The following RAB37 variants were observed in gnomAD, a reference collection of about 807,000 sequenced individuals.
RAB37 encodes ras-related protein Rab-37.
A neutral mutation model predicts 33.1 loss-of-function variants in RAB37; 29 were observed. The observed-to-expected ratio is 0.88, with a 90% confidence interval of 0.65 to 1.20. The LOEUF is 1.20. RAB37 is among the 50% of genes most tolerant of loss of function. The pLI, the probability that RAB37 is intolerant of heterozygous loss-of-function variation, is 0.00. For missense variants in RAB37, 299 were observed against 301.1 expected (o/e 0.99, Z 0.05); for synonymous variants, 128 against 119.5 (o/e 1.07, Z -0.47).
At chr17:74,731,467 G>A (rs1045526388) in intron 2 of RAB37, among the ~76,000 whole-genome samples, 2 of 152,224 alleles carry the variant, frequency 1.3e-5, no homozygotes, top group African/African-American at 4.8e-5. Context: ...CCTTCTGGAA[G>A]TGGGACCTGC....
rs2034693267 is a variant in RAB37, at chr17:74,744,262, G to A, written c.367-46G>A. ...TCAAACGGAGCAGAAGAAGAAAGGG[G>A]CAGCAGGAGGAAGAGAATGCCAGTC... On this transcript the variant is annotated intron_variant, in intron 5 of 8. Transcript: ENST00000392613. The surrounding 1 kb of genome is among the most constrained non-coding windows in gnomAD (Gnocchi z 4.2). 1.3e-6 allele frequency: 2 copies of A among 1,568,562 alleles called. No individual in the cohort carries two copies. The highest frequency in any genetic ancestry group is 1.7e-6 in the Non-Finnish European group (2 of 1,143,706).
chr17:74,735,029 G>GAA (rs1555594278), upstream of RAB37, among the ~76,000 whole-genome samples: 3 of 114,040 alleles, frequency 2.6e-5, no homozygotes, highest in Admixed American at 9.7e-5. Flanking sequence ...AAGAAAGAAA[G>GAA]AAAGAAAGAA....
chr17:74,710,584 C>T (rs978402908), intron 1 of RAB37, among the ~76,000 whole-genome samples: 23 of 151,932 alleles, frequency 1.5e-4, no homozygotes, highest in African/African-American at 5.3e-4. Context: ...TGAGGCTGGG[C>T]GCGGTGGCTC....
At chr17:74,686,304 G>T (rs1182472817) in intron 1 of RAB37, among the ~76,000 whole-genome samples, 1 of 152,062 alleles carries the variant, frequency 6.6e-6, no homozygotes, top group Non-Finnish European at 1.5e-5. Flanking sequence ...TGTTGGCCAG[G>T]CTGGTGTCAA....
upstream of RAB37, among the ~76,000 whole-genome samples, chr17:74,733,019 T>C (rs2034412694): frequency 6.6e-6 from 1 of 151,674 alleles, no homozygotes; most frequent in Non-Finnish European, 1.5e-5. Context: ...ATAAGAGGTG[T>C]TGGGGGTCAT....
chr17:74,734,924 G>C (rs980492828), upstream of RAB37, among the ~76,000 whole-genome samples: 1 of 114,234 alleles, frequency 8.8e-6, no homozygotes, highest in African/African-American at 4.2e-5. Context: ...GAAGGAAGGA[G>C]AGAAAGAAAG....
At chr17:74,688,551 TC>T (rs2032098526) in intron 1 of RAB37, among the ~76,000 whole-genome samples, 1 of 54,234 alleles carries the variant, frequency 1.8e-5, no homozygotes. Context: ...AGACTGCACC[TC>T]AAAAAAAAAA....
rs987642652 is a variant in RAB37, at chr17:74,730,000, T to G, written c.183+634T>G. On this transcript the variant is annotated intron_variant, in intron 2 of 7. Transcript: ENST00000340415. This position sits in a 1 kb window ranked among gnomAD's most constrained non-coding sequence, Gnocchi z 4.2. ...TAAAATGGTAAAAGGGCAGCTCGGG[T>G]TAAGGAAGCCCAGTGCCCTCGGCTT... Among the ~76,000 whole-genome samples the G allele has an allele frequency of 6.6e-6, 1 of 152,158 alleles. No individual in the cohort carries two copies. The highest frequency in any genetic ancestry group is 2.4e-5 in the African/African-American group (1 of 41,508).
At chr17:74,694,243 TAAGG>T (rs2032233968) in intron 1 of RAB37, 1 of 152,188 alleles carries the variant, frequency 6.6e-6, no homozygotes, top group African/African-American at 2.4e-5. Context: ...GGGAAGCATC[TAAGG>T]AAGGGCAACT....
rs534485203 is a variant in RAB37, at chr17:74,742,057, C to T, written c.205-197C>T. On this transcript the variant is annotated intron_variant, in intron 2 of 8. Coordinates refer to ENST00000392613, the MANE Select transcript of RAB37 (RefSeq NM_001006638.3). The surrounding 1 kb of genome is among the most constrained non-coding windows in gnomAD (Gnocchi z 4.0). ...GCTGTTGTGAGAAGGCAGTTACAGT[C>T]CTCAGAAGGGACGACTCCACAGTGG... is the stretch of plus-strand genomic sequence containing the variant. Among the ~76,000 whole-genome samples the T allele has an allele frequency of 5.3e-5, 8 of 152,298 alleles. No individual in the cohort carries two copies. The highest frequency in any genetic ancestry group is 2.0e-4 in the Admixed American group (3 of 15,296).
At chr17:74,695,809 C>T (rs2032404742) in intron 1 of RAB37, 2 of 1,614,172 alleles carry the variant, frequency 1.2e-6, no homozygotes, top group Middle Eastern at 1.7e-4. Context: ...TTCCGGCCAG[C>T]TGCAGGGTCA....
chr17:74,679,676 G>A (rs191084832), intron 1 of RAB37, among the ~76,000 whole-genome samples: 2 of 152,114 alleles, frequency 1.3e-5, no homozygotes, highest in East Asian at 3.9e-4. Flanking sequence ...ATATTAATAG[G>A]ACAGGGAAAC....
intron 2 of RAB37, among the ~76,000 whole-genome samples, chr17:74,741,245 A>G (rs2034607940): frequency 6.6e-6 from 1 of 152,150 alleles, no homozygotes; most frequent in Non-Finnish European, 1.5e-5. Context: ...TCAAAGGTCA[A>G]TCAGTCTTTC....
In RAB37 at chr17:74,738,002, T is replaced by G. The variant is rs1220484403; in HGVS notation, c.93+637T>G. On this transcript the variant is annotated intron_variant, in intron 1 of 8. Transcript: ENST00000392613. This position sits in a 1 kb window ranked among gnomAD's most constrained non-coding sequence, Gnocchi z 5.0. ...TGGTTGGTCTTTCGCATCCCGCACT[T>G]GAGAGAGCTCCAGGGCTGCTCTCTG... Among the ~76,000 whole-genome samples, 1 of 152,200 alleles carries G rather than the reference T, an allele frequency of 6.6e-6. No homozygotes were observed. The highest frequency in any genetic ancestry group is 2.4e-5 in the African/African-American group (1 of 41,454).
intron 1 of RAB37, chr17:74,704,825 C>G: frequency 1.2e-6 from 2 of 1,603,728 alleles, no homozygotes; most frequent in Non-Finnish European, 1.7e-6. Context: ...GCCTGGAAAA[C>G]ACAAATTCAT....
intron 1 of RAB37, among the ~76,000 whole-genome samples, chr17:74,717,093 C>A (rs1206599024): frequency 6.6e-6 from 1 of 152,130 alleles, no homozygotes; most frequent in African/African-American, 2.4e-5. Context: ...TGAGATCGCA[C>A]CATTGCATTC....
chr17:74,728,665 T>G (rs914070942), intron 1 of RAB37, among the ~76,000 whole-genome samples: 1 of 151,820 alleles, frequency 6.6e-6, no homozygotes, highest in Non-Finnish European at 1.5e-5. Flanking sequence ...GCTCTGTGTA[T>G]GCATATGTTT....
upstream of RAB37, chr17:74,736,847 C>T (rs2034482791): frequency 3.3e-6 from 5 of 1,526,396 alleles, no homozygotes; most frequent in Non-Finnish European, 4.4e-6. Context: ...GTCCCCAGCT[C>T]CCCGCCTCGC....
chr17:74,723,575 C>CTTTTT (rs35936012), intron 1 of RAB37, among the ~76,000 whole-genome samples: 7 of 133,180 alleles, frequency 5.3e-5, no homozygotes, highest in South Asian at 2.4e-4. Context: ...AATTAACTAA[C>CTTTTT]TTTTTTTTTT....
Sources: gnomAD v4.1 joint callset for allele counts (sites outside exome capture counted in the v4.1 genomes callset) on GRCh38, gnomAD v4.1.1 for gene constraint, Gnocchi (gnomAD v3.1) non-coding constraint, MANE v1.5 for transcripts, NCBI Gene and HGNC (gene_info 2026-07-23, HGNC 2026-07-21) for gene names.